The following PTPN12 variants were observed in gnomAD, a reference collection of about 807,000 sequenced individuals.
PTPN12 encodes protein tyrosine phosphatase non-receptor type 12, also known as tyrosine-protein phosphatase non-receptor type 12.
Under a neutral mutation model 97.6 loss-of-function variants are expected in PTPN12, and 29 were observed. The observed-to-expected ratio is 0.30, with a 90% CI of 0.22 to 0.41. The LOEUF (loss-of-function observed/expected upper bound fraction) is 0.41. Among genes scored for constraint, PTPN12 ranks in the 10% least tolerant of loss-of-function variants. The pLI, the probability that PTPN12 is intolerant of heterozygous loss-of-function variation, is 1.00. For synonymous variants in PTPN12, 327 were observed against 300.4 expected (o/e 1.09, Z -0.91); for missense variants, 819 against 926.0 (o/e 0.88, Z 1.50).
At chr7:77,591,880 T>C (rs1787877643) in intron 5 of PTPN12, among the ~76,000 whole-genome samples, 1 of 152,220 alleles carries the variant, frequency 6.6e-6, no homozygotes, top group Non-Finnish European at 1.5e-5. Flanking sequence ...CCAGACACTT[T>C]TTTAAAATTA....
At position 77,637,051 on chromosome 7, in the gene PTPN12, A is replaced by G. The variant is rs766779485; in HGVS notation, c.2173+3A>G. The G allele has an allele frequency of 6.2e-7, 1 of 1,605,870 alleles. No individual in the cohort carries two copies. Among genetic ancestry groups the G allele is most frequent in the South Asian group, 1.1e-5 (1 of 90,388 alleles). ...AACCTCTGAAAATGAGAAATGTGGT[A>G]AGTTGTTAGATTTTTTTTTTCCTTT... On this transcript the variant is annotated splice_donor_region_variant and intron_variant, in intron 16 of 17. Transcript: ENST00000248594.
chr7:77,551,790 T>A (rs564843250), intron 1 of PTPN12, among the ~76,000 whole-genome samples: 1 of 152,230 alleles, frequency 6.6e-6, no homozygotes, highest in Non-Finnish European at 1.5e-5. Flanking sequence ...CAAACTGATA[T>A]CTTATACTTC....
intron 12 of PTPN12, among the ~76,000 whole-genome samples, chr7:77,626,281 C>T (rs1392251490): frequency 1.3e-5 from 2 of 152,116 alleles, no homozygotes; most frequent in African/African-American, 4.8e-5. Flanking sequence ...AGTCATACGA[C>T]TGAGGTAATG....
chr7:77,581,038 T>TTTTTG lies in PTPN12; in HGVS notation c.209-364_209-360dup, dbSNP rs140098952. 2.2e-3 allele frequency among the ~76,000 whole-genome samples: 336 copies of TTTTTG among 152,032 alleles called. 2 individuals carry two copies. Among genetic ancestry groups the TTTTTG allele is most frequent in the East Asian group, 0.013 (67 of 5,140 alleles). On this transcript the variant is annotated intron_variant, in intron 2 of 17. Coordinates refer to ENST00000248594, the MANE Select transcript of PTPN12 (RefSeq NM_002835.4). The stretch of plus-strand genomic sequence containing the variant: ...GCTTTACGTCACTGGTGGTGGTGTT[T>TTTTTG]TTTTGTTTTGTTTTGTTTTGTTTTG...
At chr7:77,604,323 C>T (rs1788289945) in intron 8 of PTPN12, among the ~76,000 whole-genome samples, 1 of 128,634 alleles carries the variant, frequency 7.8e-6, no homozygotes, top group East Asian at 2.6e-4. Flanking sequence ...TCAAGTGATT[C>T]TCCTGCCTCA....
intron 4 of PTPN12, 113 bp from the exon 5 acceptor site, chr7:77,585,430 G>A (rs1191214927): frequency 1.2e-6 from 1 of 821,850 alleles, no homozygotes; most frequent in East Asian, 2.6e-5. Flanking sequence ...ACTTTTTTAG[G>A]CAAGCCAATT....
At chr7:77,573,103 AAC>A (rs1491055595) in intron 2 of PTPN12, among the ~76,000 whole-genome samples, 2,239 of 50,156 alleles carry the variant, frequency 0.045, 637 homozygotes, top group East Asian at 0.08. Context: ...AAAACAAAAA[AAC>A]AAAAAAAACC....
Position 77,627,405 on chromosome 7 carries a change from G to A in PTPN12, c.1726G>A (p.Val576Ile), listed in dbSNP as rs1442769601. 5.6e-6 allele frequency: 9 copies of A among 1,613,984 alleles called. No individual in the cohort carries two copies. Among genetic ancestry groups the A allele is most frequent in the Middle Eastern group, 1.6e-4 (1 of 6,084 alleles). Residue 576 changes from valine to isoleucine, a missense_variant, in exon 13 of 18, where the codon GTT becomes ATT. Coordinates refer to ENST00000248594, the MANE Select transcript of PTPN12 (RefSeq NM_002835.4). ...VSLTPSPTTQ[V>I]ETPDLVDHDN... ...TTTAACACCAAGTCCTACAACACAAGTTGAAACACCTGATCTTGTGGATCA... is the reference window on the plus strand; with the variant it reads ...TTTAACACCAAGTCCTACAACACAAATTGAAACACCTGATCTTGTGGATCA...
chr7:77,584,437 T>C (rs1180401352), intron 4 of PTPN12, among the ~76,000 whole-genome samples: 2 of 152,220 alleles, frequency 1.3e-5, no homozygotes, highest in African/African-American at 2.4e-5. Context: ...TTCTGGATGA[T>C]GGGAACATCC....
chr7:77,610,787 TATTTA>T lies in PTPN12; in HGVS notation c.793_797del (p.Leu265ThrfsTer18). The T allele has an allele frequency of 6.2e-7, 1 of 1,606,298 alleles. No homozygotes were observed. Among genetic ancestry groups the T allele is most frequent in the Non-Finnish European group, 8.5e-7 (1 of 1,177,764 alleles). On this transcript the variant is annotated frameshift_variant, in exon 10 of 18. Coordinates refer to ENST00000248594, the MANE Select transcript of PTPN12 (RefSeq NM_002835.4). LOFTEE classifies it high-confidence loss of function. ...TAGAAAATACCAGAGGAATTTAATG[TATTTA>T]ATTTAATACAAGAAATGAGAACACA...
intron 1 of PTPN12, among the ~76,000 whole-genome samples, chr7:77,551,787 A>G (rs1303755145): frequency 2.0e-5 from 3 of 152,188 alleles, no homozygotes; most frequent in African/African-American, 7.2e-5. Flanking sequence ...TTTCAAACTG[A>G]TATCTTATAC....
intron 1 of PTPN12, among the ~76,000 whole-genome samples, chr7:77,542,335 C>G (rs1584082780): frequency 6.6e-6 from 1 of 152,200 alleles, no homozygotes; most frequent in Non-Finnish European, 1.5e-5. Flanking sequence ...GAGTTGTACT[C>G]TGAACCTTCA....
At chr7:77,597,521 G>A (rs954298270) in intron 6 of PTPN12, among the ~76,000 whole-genome samples, 1 of 152,084 alleles carries the variant, frequency 6.6e-6, no homozygotes, top group Non-Finnish European at 1.5e-5. Flanking sequence ...GTCTTTTCAT[G>A]GCTTACTAGC....
chr7:77,547,383 T>C (rs1235381896), intron 1 of PTPN12, among the ~76,000 whole-genome samples: 2 of 152,182 alleles, frequency 1.3e-5, no homozygotes, highest in Non-Finnish European at 2.9e-5. Flanking sequence ...TTTTAAATTA[T>C]ATATAATATT....
At chr7:77,638,892 A>G in intron 17 of PTPN12, 161 bp downstream of exon 17, 12 of 1,223,226 alleles carry the variant, frequency 9.8e-6, no homozygotes, top group Non-Finnish European at 1.2e-5. Flanking sequence ...ATTCTATTTC[A>G]CATTGAGATT....
chr7:77,623,040 T>G (rs1018345663), intron 12 of PTPN12, among the ~76,000 whole-genome samples: 2 of 150,874 alleles, frequency 1.3e-5, no homozygotes, highest in African/African-American at 4.9e-5. Flanking sequence ...AAAAATGTGT[T>G]AGAATTAAAG....
chr7:77,632,308 G>T, intron 13 of PTPN12, 40 bp from the exon 14 acceptor site: 1 of 1,368,314 alleles, frequency 7.3e-7, no homozygotes, highest in South Asian at 1.2e-5. Flanking sequence ...TTGTTTAGAT[G>T]ACATGTTAAT....
At chr7:77,564,024 C>T in intron 1 of PTPN12, 1 of 349,024 alleles carries the variant, frequency 2.9e-6, no homozygotes, top group Non-Finnish European at 5.7e-6. Flanking sequence ...ACTACGGGCA[C>T]ACACCACGAG....
rs144996836 is a variant in PTPN12 at position 77,617,302 on chromosome 7, A to G, written c.940-1178A>G. On this transcript the variant is annotated intron_variant, in intron 11 of 17. Transcript: ENST00000248594. ...CCTATAGCCAGATATTTCTGCACCA[A>G]ATGCCTCGATTTTGGTGGGTGGCTT... 1.5e-3 allele frequency among the ~76,000 whole-genome samples: 233 copies of G among 152,306 alleles called. 2 individuals are homozygous for G. The highest frequency in any genetic ancestry group is 5.2e-3 in the African/African-American group (218 of 41,564).
Sources: gnomAD v4.1 joint callset for allele counts (sites outside exome capture counted in the v4.1 genomes callset) on GRCh38, gnomAD v4.1.1 for gene constraint, MANE v1.5 for transcripts, NCBI Gene and HGNC (gene_info 2026-07-23, HGNC 2026-07-21) for gene names.